The following PODXL variants were observed in gnomAD, a reference collection of about 807,000 sequenced individuals.
PODXL encodes podocalyxin.
Under a neutral mutation model 48.9 loss-of-function variants are expected in PODXL, and 20 were observed. The ratio of observed to expected loss-of-function variants is 0.41; its 90% CI spans 0.29 to 0.59. The LOEUF is 0.59. Among genes scored for constraint, PODXL ranks in the 20% least tolerant of loss-of-function variants. PODXL has a pLI of 0.31. For missense variants in PODXL, 606 were observed against 675.1 expected, an observed-to-expected ratio of 0.90 and a Z score of 1.13; for synonymous variants, 295 against 287.4, an observed-to-expected ratio of 1.03 and a Z score of -0.27.
Position 131,509,482 on chromosome 7 carries a change from T to C in PODXL, c.906A>G (p.Ala302=), listed in dbSNP as rs1797872854. ...SQETVQPTSP[A]TALRTPTLPE... ...GCAGGGTAGGTGTTCTCAATGCCGT[T>C]GCCGGGCTCGTGGGCTGCACTGTCT... Residue 302 remains alanine (A), a synonymous_variant, in exon 4 of 9, where the codon GCA becomes GCG. Coordinates refer to ENST00000378555, the MANE Select transcript of PODXL (RefSeq NM_001018111.3). 2 of 1,613,824 alleles carry C rather than the reference T, an allele frequency of 1.2e-6. No individual in the cohort carries two copies. Among genetic ancestry groups the C allele is most frequent in the South Asian group, 1.1e-5 (1 of 91,012 alleles).
intron 1 of PODXL, among the ~76,000 whole-genome samples, chr7:131,534,762 A>C (rs1369937235): frequency 6.6e-6 from 1 of 152,188 alleles, no homozygotes; most frequent in Non-Finnish European, 1.5e-5. Context: ...ATATTTTAAT[A>C]CACATGGCCG....
intron 1 of PODXL, among the ~76,000 whole-genome samples, chr7:131,525,315 G>A (rs1347855931): frequency 7.3e-5 from 11 of 150,966 alleles, no homozygotes; most frequent in Non-Finnish European, 1.0e-4. Context: ...ATGGCCAGGC[G>A]CACTGGTTCA....
intron 1 of PODXL, among the ~76,000 whole-genome samples, chr7:131,536,941 A>C (rs192410841): frequency 9.3e-4 from 142 of 152,062 alleles, no homozygotes; most frequent in African/African-American, 3.2e-3. Flanking sequence ...CCTGGCCAAC[A>C]TGGTGAAACC....
In PODXL at chr7:131,549,474, G is replaced by T. The variant is rs186067075; in HGVS notation, c.100+6786C>A. The stretch of plus-strand genomic sequence containing the variant: ...ACTCAGTCCTCAGGCAGAGCTCCAT[G>T]AATTTCAGGTAAGAAGGAGCTGTGG... On this transcript the variant is annotated intron_variant, in intron 1 of 8. Coordinates refer to ENST00000378555, the MANE Select transcript of PODXL (RefSeq NM_001018111.3). Among the ~76,000 whole-genome samples the T allele has an allele frequency of 5.4e-4, 83 of 152,324 alleles. 2 individuals are homozygous for T. Among genetic ancestry groups the T allele is most frequent in the Admixed American group, 5.4e-3 (83 of 15,300 alleles).
At chr7:131,544,462 C>T (rs1798532030) in intron 1 of PODXL, among the ~76,000 whole-genome samples, 1 of 152,206 alleles carries the variant, frequency 6.6e-6, no homozygotes, top group African/African-American at 2.4e-5. Context: ...CTGCCCTTCC[C>T]CAGAAGCCGA....
At chr7:131,548,011 G>A (rs996406644) in intron 1 of PODXL, among the ~76,000 whole-genome samples, 1 of 152,236 alleles carries the variant, frequency 6.6e-6, no homozygotes, top group African/African-American at 2.4e-5. Flanking sequence ...CCCTGCCCAA[G>A]GCCCAGCTTA....
chr7:131,534,257 C>T (rs1481009001), intron 1 of PODXL, among the ~76,000 whole-genome samples: 4 of 152,158 alleles, frequency 2.6e-5, no homozygotes, highest in Non-Finnish European at 4.4e-5. Flanking sequence ...CAGCTGTGGT[C>T]AAGAGAAGAC....
chr7:131,538,878 G>A (rs1370773944), intron 1 of PODXL, among the ~76,000 whole-genome samples: 1 of 152,220 alleles, frequency 6.6e-6, no homozygotes, highest in Non-Finnish European at 1.5e-5. Context: ...TTCTTCCTGA[G>A]CTGGAAAGAG....
At chr7:131,518,510 G>A (rs1437526283) in intron 1 of PODXL, among the ~76,000 whole-genome samples, 2 of 152,150 alleles carry the variant, frequency 1.3e-5, no homozygotes, top group East Asian at 3.9e-4. Flanking sequence ...GGATGAGAGT[G>A]TTTAAGGATG....
At position 131,556,541 on chromosome 7, in the gene PODXL, G is replaced by T; in HGVS notation, c.-182C>A. On this transcript the variant is annotated 5_prime_UTR_variant, in exon 1 of 9. Transcript: ENST00000378555. ...TCTTCCTCCCTGCCGCTGCAGCAGA[G>T]CCGGGCTGGGGCGCAGAGCCAGTGG... is the stretch of plus-strand genomic sequence containing the variant. The T allele has an allele frequency of 1.5e-6, 1 of 682,126 alleles. No individual in the cohort carries two copies. 42.3% of individuals were successfully genotyped at this position (682,126 alleles called of 1,614,324 possible).
At chr7:131,552,120 C>A (rs1489962305) in intron 1 of PODXL, among the ~76,000 whole-genome samples, 1 of 152,198 alleles carries the variant, frequency 6.6e-6, no homozygotes, top group Admixed American at 6.5e-5. Flanking sequence ...GCAAACTCCC[C>A]TTCCAGGGAG....
chr7:131,548,763 C>A (rs1798623122), intron 1 of PODXL, among the ~76,000 whole-genome samples: 1 of 152,192 alleles, frequency 6.6e-6, no homozygotes, highest in Admixed American at 6.5e-5. Flanking sequence ...GTGGGGACAG[C>A]ACAGGAGACA....
At chr7:131,506,105 G>C in intron 7 of PODXL, 70 bp from the exon 8 acceptor site, 2 of 1,565,818 alleles carry the variant, frequency 1.3e-6, no homozygotes, top group South Asian at 1.2e-5. Context: ...TCACTGTAGA[G>C]CCCCTCCGCT....
intron 1 of PODXL, among the ~76,000 whole-genome samples, chr7:131,515,470 C>T (rs974355095): frequency 3.3e-5 from 5 of 152,134 alleles, no homozygotes; most frequent in Admixed American, 1.3e-4. Context: ...GGTGCGATCT[C>T]GGCTCACTGC....
intron 1 of PODXL, among the ~76,000 whole-genome samples, chr7:131,544,636 TC>T: frequency 6.9e-6 from 1 of 145,846 alleles, no homozygotes; most frequent in Non-Finnish European, 1.5e-5. Context: ...CAGCAGGGCC[TC>T]CGCACGCACG....
At chr7:131,523,691 AAAAAAAAAAAAC>A (rs1562909341) in intron 1 of PODXL, among the ~76,000 whole-genome samples, 14 of 147,970 alleles carry the variant, frequency 9.5e-5, no homozygotes, top group African/African-American at 2.3e-4. Context: ...AAAAAAAAAA[AAAAAAAAAAAAC>A]AAGAAAAGAA....
rs1562903677 is a variant in PODXL, at chr7:131,509,391, G to A, written c.997C>T (p.Pro333Ser). Residue 333 changes from proline to serine, a missense_variant, in exon 4 of 9, where the codon CCC (proline) becomes TCC (serine). Pro to Ser is a moderately conservative substitution (Grantham distance 74). Coordinates refer to ENST00000378555, the MANE Select transcript of PODXL (RefSeq NM_001018111.3). ...CAGTTACTCTCATGAGCCACAGTGG[G>A]AGAAGGTGTTTTGGGGTATCGGTGG... Reference protein sequence around the residue: ...TTHRYPKTPSPTVAHESNWAK... With the variant: ...TTHRYPKTPSSTVAHESNWAK... The A allele has an allele frequency of 6.2e-7, 1 of 1,614,112 alleles. No individual in the cohort carries two copies. Among genetic ancestry groups the A allele is most frequent in the Admixed American group, 1.7e-5 (1 of 60,026 alleles).
chr7:131,520,299 A>AT (rs1798071450), intron 1 of PODXL: 3 of 523,992 alleles, frequency 5.7e-6, no homozygotes, highest in Non-Finnish European at 1.1e-5. Context: ...GCCATGAAAG[A>AT]GATGGGAACT....
At chr7:131,526,647 G>A (rs1006393796) in intron 1 of PODXL, among the ~76,000 whole-genome samples, 1 of 150,304 alleles carries the variant, frequency 6.7e-6, no homozygotes, top group African/African-American at 2.4e-5. Flanking sequence ...ATGAAGTAGT[G>A]TAAATTGGTT....
Sources: allele counts gnomAD v4.1 joint callset (sites outside exome capture counted in the v4.1 genomes callset), GRCh38; gene constraint gnomAD v4.1.1; transcripts MANE v1.5; gene names NCBI Gene and HGNC (gene_info 2026-07-23, HGNC 2026-07-21).